Variants in DPY19L2 observed in about 807,000 individuals in gnomAD.
The protein encoded by DPY19L2 is dpy-19 like 2.
Under a neutral mutation model 97.9 loss-of-function variants are expected in DPY19L2, and 34 were observed. The ratio of observed to expected loss-of-function variants is 0.35; its 90% CI spans 0.26 to 0.46. The LOEUF (loss-of-function observed/expected upper bound fraction) is 0.46, where lower values mean the gene tolerates loss of function less well. Among genes scored for constraint, DPY19L2 ranks in the 20% least tolerant of loss-of-function variants. DPY19L2 has a pLI of 1.00. For synonymous variants in DPY19L2, 230 were observed against 307.9 expected (o/e 0.75, Z 2.65); for missense variants, 623 against 911.4 (o/e 0.68, Z 4.07).
intron 6 of DPY19L2, among the ~76,000 whole-genome samples, chr12:63,636,280 C>T (rs1190590804): frequency 6.6e-6 from 1 of 152,086 alleles, no homozygotes. Flanking sequence ...GAAGGAAGCA[C>T]TAAATATGGA....
chr12:63,569,458 C>T (rs2942674), intron 20 of DPY19L2, 109 bp from the exon 21 acceptor site: 12 of 852,746 alleles, frequency 1.4e-5, no homozygotes, highest in African/African-American at 7.0e-5. Context: ...GATGGAACAC[C>T]GATATACATG....
intron 16 of DPY19L2, among the ~76,000 whole-genome samples, chr12:63,587,625 A>G (rs1882031429): frequency 6.7e-6 from 1 of 149,934 alleles, no homozygotes; most frequent in Admixed American, 6.6e-5. Flanking sequence ...GCCAGGCTGG[A>G]GTGCAGTGGC....
chr12:63,596,971 A>AT (rs575891876), intron 14 of DPY19L2, among the ~76,000 whole-genome samples: 5 of 150,490 alleles, frequency 3.3e-5, no homozygotes, highest in South Asian at 4.2e-4. Context: ...AAAGAGGCCA[A>AT]TTTTTTTTTC....
At chr12:63,627,575 C>A (rs1365810854) in intron 6 of DPY19L2, among the ~76,000 whole-genome samples, 1 of 152,096 alleles carries the variant, frequency 6.6e-6, no homozygotes, top group Non-Finnish European at 1.5e-5. Flanking sequence ...GTCTCAAACT[C>A]CTGACTTCAA....
intron 6 of DPY19L2, among the ~76,000 whole-genome samples, chr12:63,628,593 C>A (rs1181743216): frequency 6.6e-6 from 1 of 152,124 alleles, no homozygotes; most frequent in Non-Finnish European, 1.5e-5. Flanking sequence ...TGGAGCCCAC[C>A]ACAGCTCAAC....
At chr12:63,604,699 A>G (rs1256779114) in intron 12 of DPY19L2, among the ~76,000 whole-genome samples, 1 of 150,056 alleles carries the variant, frequency 6.7e-6, no homozygotes, top group Non-Finnish European at 1.5e-5. Context: ...GTTCTTTCTT[A>G]AAAAAAAAAT....
At chr12:63,636,097 AG>A (rs1891638411) in intron 6 of DPY19L2, among the ~76,000 whole-genome samples, 1 of 87,450 alleles carries the variant, frequency 1.1e-5, no homozygotes, top group African/African-American at 5.0e-5. Flanking sequence ...AAACTCTACA[AG>A]CCAGAAGGGG....
At chr12:63,662,784 A>G (rs1259397924) in intron 3 of DPY19L2, among the ~76,000 whole-genome samples, 1 of 152,220 alleles carries the variant, frequency 6.6e-6, no homozygotes, top group Non-Finnish European at 1.5e-5. Flanking sequence ...ATCTTTAAAA[A>G]GTTCAAATGT....
chr12:63,571,517 C>G (rs1878839882), intron 19 of DPY19L2, among the ~76,000 whole-genome samples: 1 of 152,116 alleles, frequency 6.6e-6, no homozygotes, highest in South Asian at 2.1e-4. Flanking sequence ...ATGCCAGGAG[C>G]TGAGAGACTG....
intron 3 of DPY19L2, 25 bp from the exon 4 acceptor site, chr12:63,661,506 T>G (rs778475909): frequency 3.7e-4 from 558 of 1,488,602 alleles, no homozygotes; most frequent in Non-Finnish European, 4.8e-4. Context: ...AGACATATAT[T>G]GTCAATGTAA....
Position 63,559,213 on chromosome 12 carries a change from T to C in DPY19L2, c.*1299A>G, listed in dbSNP as rs980549004. The C allele has an allele frequency of 2.0e-5, 3 of 152,204 alleles. No homozygotes were observed. The highest frequency in any genetic ancestry group is 6.5e-5 in the Admixed American group (1 of 15,278). The allele number at this position is 152,204 out of a possible 1,614,324, so 9.4% of individuals were successfully genotyped here. A position where few individuals can be genotyped will look rare whatever the true frequency, so the allele number is the denominator to read the frequency against. ...CTGTTTTGTATTCTGTTATAAGATA[T>C]TTTACAACTATGAAAGTTGAAAAAT... On this transcript the variant is annotated 3_prime_UTR_variant, in exon 22 of 22. Transcript: ENST00000324472.
At chr12:63,632,519 G>C (rs112066200) in intron 6 of DPY19L2, among the ~76,000 whole-genome samples, 12,251 of 152,076 alleles carry the variant, frequency 0.081, 771 homozygotes, top group African/African-American at 0.17. Context: ...GGATGTGAAG[G>C]ACCTCTTCAA....
rs539696218 is a variant in DPY19L2 at position 63,635,370 on chromosome 12, G to A, written c.804-8844C>T. Among the ~76,000 whole-genome samples, 30 of 152,264 alleles carry A rather than the reference G, an allele frequency of 2.0e-4. No individual in the cohort carries two copies. In the South Asian group the frequency reaches 3.7e-3, roughly 19 times the overall value. On this transcript the variant is annotated intron_variant, in intron 6 of 21. Transcript: ENST00000324472. ...AAAGCTGAAAATTCTAAAAACCGGA[G>A]TGCCTCTTCTCCTCCAAAGGAGCAT...
intron 16 of DPY19L2, among the ~76,000 whole-genome samples, chr12:63,589,019 C>A (rs1461372593): frequency 2.0e-5 from 3 of 152,002 alleles, no homozygotes; most frequent in Middle Eastern, 3.4e-3. Flanking sequence ...TCCCAAAATG[C>A]TGGTATTACA....
intron 13 of DPY19L2, among the ~76,000 whole-genome samples, chr12:63,599,827 AT>A (rs1028214916): frequency 9.9e-5 from 15 of 152,220 alleles, no homozygotes; most frequent in African/African-American, 3.1e-4. Flanking sequence ...AAAGATCAAA[AT>A]TTTTTAACAT....
intron 19 of DPY19L2, among the ~76,000 whole-genome samples, chr12:63,578,358 C>T (rs1880255437): frequency 6.6e-6 from 1 of 151,938 alleles, no homozygotes; most frequent in South Asian, 2.1e-4. Flanking sequence ...TTAATGTGCA[C>T]AAACAAAATA....
chr12:63,655,364 C>T (rs146694692), intron 4 of DPY19L2, among the ~76,000 whole-genome samples: 218 of 152,222 alleles, frequency 1.4e-3, no homozygotes, highest in African/African-American at 5.0e-3. Context: ...GTTGTGCTTA[C>T]GTTGTATCCA....
intron 5 of DPY19L2, among the ~76,000 whole-genome samples, chr12:63,645,004 C>T (rs904898662): frequency 1.1e-4 from 16 of 151,742 alleles, no homozygotes; most frequent in Non-Finnish European, 7.4e-5. Context: ...TAGGGTACAG[C>T]TTTAGTCTAT....
chr12:63,569,425 A>G (rs1878386927), intron 20 of DPY19L2, 76 bp from the exon 21 acceptor site: 1 of 1,136,942 alleles, frequency 8.8e-7, no homozygotes, highest in Non-Finnish European at 1.2e-6. Context: ...CTTACTAGCA[A>G]ATTGAAATCT....
Sources: allele counts gnomAD v4.1 joint callset (sites outside exome capture counted in the v4.1 genomes callset), GRCh38; gene constraint gnomAD v4.1.1; transcripts MANE v1.5; gene names NCBI Gene and HGNC (gene_info 2026-07-23, HGNC 2026-07-21).